The following KIAA0825 variants were observed in gnomAD, a reference collection of about 807,000 sequenced individuals.
KIAA0825 encodes the protein uncharacterized protein KIAA0825.
Under a neutral mutation model 147.6 loss-of-function variants are expected in KIAA0825, and 119 were observed. The observed-to-expected ratio is 0.81, with a 90% CI of 0.69 to 0.94. The LOEUF (loss-of-function observed/expected upper bound fraction) is 0.94. KIAA0825 is among the 40% of genes least tolerant of loss of function. The pLI is 0.00. For missense variants in KIAA0825, 1,381 were observed against 1,472.7 expected, an observed-to-expected ratio of 0.94 and a Z score of 1.02; for synonymous variants, 470 against 518.1, an observed-to-expected ratio of 0.91 and a Z score of 1.26.
At chr5:94,195,399 T>C (rs1771038205) in intron 20 of KIAA0825, among the ~76,000 whole-genome samples, 1 of 152,234 alleles carries the variant, frequency 6.6e-6, no homozygotes, top group Non-Finnish European at 1.5e-5. Flanking sequence ...TTATTTTTCT[T>C]CTAAAACAGT....
intron 20 of KIAA0825, among the ~76,000 whole-genome samples, chr5:94,224,077 CTTTTCTTTTTT>C (rs1773922041): frequency 1.4e-5 from 1 of 69,692 alleles, no homozygotes; most frequent in Non-Finnish European, 3.1e-5. Context: ...CTTTCTTTTT[CTTTTCTTTTTT>C]TTTTTTTTTT....
At chr5:94,549,214 G>T (rs1299827739) in intron 2 of KIAA0825, among the ~76,000 whole-genome samples, 1 of 152,012 alleles carries the variant, frequency 6.6e-6, no homozygotes, top group African/African-American at 2.4e-5. Flanking sequence ...AGGCTTAAAA[G>T]ATTCAAAAAA....
chr5:94,512,754 G>A (rs926081258), intron 5 of KIAA0825, among the ~76,000 whole-genome samples: 13 of 152,082 alleles, frequency 8.5e-5, no homozygotes, highest in African/African-American at 1.4e-4. Flanking sequence ...AATAATAGCC[G>A]GGCATGGTGG....
intron 20 of KIAA0825, among the ~76,000 whole-genome samples, chr5:94,333,208 T>G (rs1781462023): frequency 6.6e-6 from 1 of 152,236 alleles, no homozygotes; most frequent in African/African-American, 2.4e-5. Context: ...TTTCTTTTGC[T>G]GTGCAGAAAC....
intron 17 of KIAA0825, among the ~76,000 whole-genome samples, chr5:94,395,795 C>T (rs1212564691): frequency 6.6e-6 from 1 of 152,152 alleles, no homozygotes; most frequent in Admixed American, 6.5e-5. Context: ...TGTTTGCACA[C>T]TGAAAAGGGG....
intron 20 of KIAA0825, among the ~76,000 whole-genome samples, chr5:94,381,582 G>T (rs1748421765): frequency 6.6e-6 from 1 of 152,168 alleles, no homozygotes; most frequent in Non-Finnish European, 1.5e-5. Flanking sequence ...GCATCTGTGG[G>T]ATTTAGTATC....
chr5:94,609,311 T>C (rs1241223730), intron 1 of KIAA0825, among the ~76,000 whole-genome samples: 1 of 152,198 alleles, frequency 6.6e-6, no homozygotes, highest in African/African-American at 2.4e-5. Context: ...CATTGCAAAA[T>C]ATAAAACAAT....
intron 5 of KIAA0825, among the ~76,000 whole-genome samples, chr5:94,501,181 A>C (rs1430426389): frequency 6.6e-6 from 1 of 152,242 alleles, no homozygotes; most frequent in Non-Finnish European, 1.5e-5. Flanking sequence ...AAAAATATGC[A>C]GCCATTTGCT....
chr5:94,507,308 C>T (rs936568371), intron 5 of KIAA0825, among the ~76,000 whole-genome samples: 2 of 152,038 alleles, frequency 1.3e-5, no homozygotes, highest in African/African-American at 4.8e-5. Flanking sequence ...ATTAGCAAGG[C>T]TTAGTGGTGC....
At chr5:94,306,442 A>G (rs778462535) in intron 20 of KIAA0825, among the ~76,000 whole-genome samples, 1 of 151,902 alleles carries the variant, frequency 6.6e-6, no homozygotes, top group Non-Finnish European at 1.5e-5. Flanking sequence ...ATCCAGCACC[A>G]TATTAAAAAG....
intron 20 of KIAA0825, among the ~76,000 whole-genome samples, chr5:94,165,369 G>A (rs868080253): frequency 3.3e-5 from 5 of 152,136 alleles, no homozygotes; most frequent in African/African-American, 7.2e-5. Context: ...AAATGCTGGC[G>A]AGGATATAGA....
intron 20 of KIAA0825, among the ~76,000 whole-genome samples, chr5:94,204,778 G>A (rs990658533): frequency 6.6e-6 from 1 of 152,092 alleles, no homozygotes; most frequent in African/African-American, 2.4e-5. Context: ...CTCTACAGGG[G>A]GCAGTTAATC....
At chr5:94,186,202 T>C (rs1256161168) in intron 20 of KIAA0825, among the ~76,000 whole-genome samples, 1 of 152,226 alleles carries the variant, frequency 6.6e-6, no homozygotes, top group Non-Finnish European at 1.5e-5. Context: ...TTAAGAGTTA[T>C]GTGTATTTCA....
intron 20 of KIAA0825, among the ~76,000 whole-genome samples, chr5:94,327,350 GA>G (rs781481145): frequency 2.3e-3 from 312 of 137,520 alleles, no homozygotes; most frequent in African/African-American, 4.2e-3. Context: ...ACTTTATGAA[GA>G]AAAAAAAAAA....
At chr5:94,551,817 A>T (rs1395927698) in intron 2 of KIAA0825, among the ~76,000 whole-genome samples, 2 of 152,124 alleles carry the variant, frequency 1.3e-5, no homozygotes, top group African/African-American at 4.8e-5. Flanking sequence ...TCAAACTTTA[A>T]CACTACAGAA....
At chr5:94,506,129 T>C (rs1345514825) in intron 5 of KIAA0825, among the ~76,000 whole-genome samples, 2 of 152,208 alleles carry the variant, frequency 1.3e-5, no homozygotes, top group Non-Finnish European at 2.9e-5. Flanking sequence ...TTTCACCTAA[T>C]ACAACAAAGG....
At chr5:94,290,989 T>A (rs1036258339) in intron 20 of KIAA0825, among the ~76,000 whole-genome samples, 1 of 152,244 alleles carries the variant, frequency 6.6e-6, no homozygotes, top group Non-Finnish European at 1.5e-5. Flanking sequence ...TGTTTGTTTT[T>A]TTCTTGTAAA....
At chr5:94,164,200 A>C (rs1767823927) in intron 20 of KIAA0825, among the ~76,000 whole-genome samples, 1 of 152,194 alleles carries the variant, frequency 6.6e-6, no homozygotes, top group Non-Finnish European at 1.5e-5. Context: ...AAAACAAAAC[A>C]ATCCTAAAGT....
intron 20 of KIAA0825, among the ~76,000 whole-genome samples, chr5:94,262,362 A>G (rs576452679): frequency 6.6e-6 from 1 of 152,240 alleles, no homozygotes; most frequent in South Asian, 2.1e-4. Flanking sequence ...GAAATTTGGA[A>G]TACATGATAA....
Sources: gnomAD v4.1 joint callset for allele counts (sites outside exome capture counted in the v4.1 genomes callset) on GRCh38, gnomAD v4.1.1 for gene constraint, MANE v1.5 for transcripts, NCBI Gene and HGNC (gene_info 2026-07-23, HGNC 2026-07-21) for gene names.